The following SLC38A10 variants were observed in gnomAD, a reference collection of about 807,000 sequenced individuals.
SLC38A10 encodes the protein solute carrier family 38 member 10.
SLC38A10 carries 53 observed loss-of-function variants against 81.0 expected under a neutral mutation model. The observed-to-expected ratio is 0.65, with a 90% CI of 0.53 to 0.82. The LOEUF (loss-of-function observed/expected upper bound fraction) is 0.82. Among genes scored for constraint, SLC38A10 ranks in the 40% least tolerant of loss-of-function variants. The pLI is 0.00. For synonymous variants in SLC38A10, 665 were observed against 655.3 expected, an observed-to-expected ratio of 1.01 and a Z score of -0.23; for missense variants, 1,471 against 1,545.0, an observed-to-expected ratio of 0.95 and a Z score of 0.80.
chr17:81,251,832 C>T (rs796692103), intron 13 of SLC38A10: 2 of 538,056 alleles, frequency 3.7e-6, no homozygotes, highest in South Asian at 8.7e-5. Context: ...CCAATGGTAA[C>T]TGCCTTCGCA....
In SLC38A10 at chr17:81,246,315, G is replaced by A. The variant is rs749884974; in HGVS notation, c.2601C>T (p.Ala867=). 1.4e-5 allele frequency: 23 copies of A among 1,610,192 alleles called. No individual in the cohort carries two copies. Among genetic ancestry groups the A allele is most frequent in the Admixed American group, 6.7e-5 (4 of 59,984 alleles). Reference sequence around the variant, plus strand: ...CTGCGAGGCGCTCCTCTGGGCCCCCGGCTTCCCTGGCGGGGTCTGGCACGG... The same window carrying A: ...CTGCGAGGCGCTCCTCTGGGCCCCCAGCTTCCCTGGCGGGGTCTGGCACGG... ...QVPVPDPARE[A]GGPEERLAEE... is the part of the protein sequence containing the mutation. Residue 867 remains alanine (A), a synonymous_variant, in exon 16 of 16, where the codon GCC becomes GCT. Transcript: ENST00000374759.
At chr17:81,247,213 A>G in intron 14 of SLC38A10, 152 bp from the exon 15 acceptor site, 1 of 790,728 alleles carries the variant, frequency 1.3e-6, no homozygotes, top group Non-Finnish European at 1.9e-6. Flanking sequence ...CATGACTGTG[A>G]CCGTGAAGCC....
intron 8 of SLC38A10, among the ~76,000 whole-genome samples, chr17:81,272,899 C>T (rs1401140342): frequency 6.6e-6 from 1 of 152,184 alleles, no homozygotes; most frequent in Non-Finnish European, 1.5e-5. Context: ...ATGTGAGTAT[C>T]GAGTCCTTCC....
Position 81,251,732 on chromosome 17 carries a change from C to A in SLC38A10, c.1946-120G>T, listed in dbSNP as rs555326012. 116 of 1,086,014 alleles carry A rather than the reference C, an allele frequency of 1.1e-4. No individual in the cohort carries two copies. In the African/African-American group the frequency reaches 1.7e-3, roughly 16 times the overall value. 67.3% of individuals were successfully genotyped at this position (1,086,014 alleles called of 1,614,324 possible). A position where few individuals can be genotyped will look rare whatever the true frequency, so the allele number is the denominator to read the frequency against. On this transcript the variant is annotated intron_variant, in intron 13 of 15. Transcript: ENST00000374759. ...AGTGGCAGATGTTTCTAAAGTGACACCCCCGTCAGCACAGTTTATATTCAA... is the reference window on the plus strand; with the variant it reads ...AGTGGCAGATGTTTCTAAAGTGACAACCCCGTCAGCACAGTTTATATTCAA...
At chr17:81,291,998 T>C (rs1256458393) in intron 1 of SLC38A10, among the ~76,000 whole-genome samples, 1 of 152,192 alleles carries the variant, frequency 6.6e-6, no homozygotes, top group Non-Finnish European at 1.5e-5. Context: ...GGTTTGCTCG[T>C]CATATGAAAA....
intron 10 of SLC38A10, among the ~76,000 whole-genome samples, chr17:81,262,345 G>T (rs983881334): frequency 2.6e-5 from 4 of 152,184 alleles, no homozygotes; most frequent in African/African-American, 9.7e-5. Context: ...TAAAGGGTCC[G>T]GATGGAAATT....
At chr17:81,291,333 A>C (rs556978735) in intron 1 of SLC38A10, among the ~76,000 whole-genome samples, 29 of 151,958 alleles carry the variant, frequency 1.9e-4, no homozygotes, top group Admixed American at 7.9e-4. Flanking sequence ...AACACACACA[A>C]AAAATTAGCC....
intron 11 of SLC38A10, among the ~76,000 whole-genome samples, chr17:81,258,905 C>CG (rs1792070221): frequency 6.6e-6 from 1 of 152,226 alleles, no homozygotes; most frequent in African/African-American, 2.4e-5. Context: ...AGCACAGCCC[C>CG]GCCAGCTGCA....
chr17:81,248,816 G>C (rs780639730), intron 14 of SLC38A10, among the ~76,000 whole-genome samples: 1 of 152,168 alleles, frequency 6.6e-6, no homozygotes, highest in Admixed American at 6.5e-5. Flanking sequence ...GGGGGACAGG[G>C]CTGGCTCCAA....
intron 11 of SLC38A10, among the ~76,000 whole-genome samples, chr17:81,256,810 G>A (rs2062977024): frequency 1.3e-5 from 2 of 152,248 alleles, no homozygotes; most frequent in Non-Finnish European, 2.9e-5. Flanking sequence ...GCTGACCAAT[G>A]ACCTCATGGT....
At chr17:81,282,125 GC>G (rs1261404547) in intron 5 of SLC38A10, 63 bp downstream of exon 5, 121 of 1,601,614 alleles carry the variant, frequency 7.6e-5, no homozygotes, top group Non-Finnish European at 9.8e-5. Context: ...GCCTGCTGTG[GC>G]CACAGGAAAG....
At chr17:81,291,470 G>A (rs1370972946) in intron 1 of SLC38A10, among the ~76,000 whole-genome samples, 3 of 141,404 alleles carry the variant, frequency 2.1e-5, no homozygotes, top group Non-Finnish European at 4.5e-5. Flanking sequence ...CTGGGTGACA[G>A]AGTAAGACTC....
Position 81,265,939 on chromosome 17 carries a change from T to A in SLC38A10, c.1131+4979A>T, listed in dbSNP as rs1415416054. Among the ~76,000 whole-genome samples, 2 of 152,184 alleles carry A rather than the reference T, an allele frequency of 1.3e-5. No homozygotes were observed. Among genetic ancestry groups the A allele is most frequent in the Admixed American group, 1.3e-4 (2 of 15,276 alleles). On this transcript the variant is annotated intron_variant, in intron 10 of 15. Coordinates refer to ENST00000374759, the MANE Select transcript of SLC38A10 (RefSeq NM_001037984.3). The surrounding 1 kb of genome is among the most constrained non-coding windows in gnomAD (Gnocchi z 4.2). ...CCACGCACAGCCAAACTGCGGTGAA[T>A]GTGATTCAGTGCGCTTTCTAGCTTC...
At chr17:81,280,029 G>A (rs1006797152) in intron 6 of SLC38A10, 8 of 391,090 alleles carry the variant, frequency 2.0e-5, no homozygotes, top group South Asian at 7.2e-5. Context: ...TCCCGTCTGC[G>A]CCGGATTTAC....
chr17:81,251,805 A>G (rs1438334723), intron 13 of SLC38A10, 193 bp from the exon 14 acceptor site: 1 of 613,292 alleles, frequency 1.6e-6, no homozygotes, highest in South Asian at 3.8e-5. Context: ...ACAACCTCAT[A>G]GGCTTGTGGC....
chr17:81,283,421 C>G lies in SLC38A10; in HGVS notation c.345G>C (p.Leu115=), dbSNP rs770087544. 6 of 1,612,028 alleles carry G rather than the reference C, an allele frequency of 3.7e-6. No homozygotes were observed. The South Asian group carries it at 5.5e-5, about 15-fold the overall frequency. Reference sequence around the variant, plus strand: ...AACACATCCTTACCTGAAACCCGAACAGCCGGGCAAAGAAGTTGGACCCCA... The same window carrying G: ...AACACATCCTTACCTGAAACCCGAAGAGCCGGGCAAAGAAGTTGGACCCCA... The part of the protein sequence containing the change: ...GDLGSNFFAR[L]FGFQVGGTFR... The change falls in exon 4 of 16, where the codon CTG becomes CTC. Residue 115 remains leucine, a synonymous_variant. Coordinates refer to ENST00000374759, the MANE Select transcript of SLC38A10 (RefSeq NM_001037984.3). The surrounding 1 kb of genome is among the most constrained non-coding windows in gnomAD (Gnocchi z 4.7).
At chr17:81,274,611 C>G (rs796510550) in intron 8 of SLC38A10, among the ~76,000 whole-genome samples, 3 of 152,224 alleles carry the variant, frequency 2.0e-5, no homozygotes, top group East Asian at 3.9e-4. Context: ...GGAGGGGAAC[C>G]TGGACGGGGC....
chr17:81,272,744 G>A (rs1389953385), intron 8 of SLC38A10, 117 bp from the exon 9 acceptor site: 6 of 610,676 alleles, frequency 9.8e-6, no homozygotes, highest in South Asian at 7.2e-5. Context: ...ACGTGAGGCC[G>A]GCCGCGCACT....
At chr17:81,282,749 G>A (rs1340492251) in intron 4 of SLC38A10, among the ~76,000 whole-genome samples, 1 of 152,246 alleles carries the variant, frequency 6.6e-6, no homozygotes, top group African/African-American at 2.4e-5. Flanking sequence ...AAGGTCGAAT[G>A]GGGAGACAGA....
Sources: gnomAD v4.1 joint callset for allele counts (sites outside exome capture counted in the v4.1 genomes callset) on GRCh38, gnomAD v4.1.1 for gene constraint, Gnocchi (gnomAD v3.1) non-coding constraint, MANE v1.5 for transcripts, NCBI Gene and HGNC (gene_info 2026-07-23, HGNC 2026-07-21) for gene names.